Variants in GALNTL6 observed in about 807,000 individuals in gnomAD.
GALNTL6 encodes polypeptide N-acetylgalactosaminyltransferase-like 6.
Under a neutral mutation model 73.7 loss-of-function variants are expected in GALNTL6, and 46 were observed. The ratio of observed to expected loss-of-function variants is 0.62; its 90% confidence interval spans 0.49 to 0.80. The LOEUF is 0.80. Ranked by LOEUF, GALNTL6 falls within the 30% of genes least tolerant of loss-of-function variation. GALNTL6 has a pLI of 0.00. For missense variants in GALNTL6, 604 were observed against 755.0 expected, an observed-to-expected ratio of 0.80 and a Z score of 2.34; for synonymous variants, 259 against 263.7, an observed-to-expected ratio of 0.98 and a Z score of 0.17.
At chr4:171,825,002 T>A (rs528399345) in intron 2 of GALNTL6, among the ~76,000 whole-genome samples, 1 of 152,298 alleles carries the variant, frequency 6.6e-6, no homozygotes, top group East Asian at 1.9e-4. Flanking sequence ...GAATGCTATT[T>A]TGATGACCTT....
chr4:172,916,487 T>C (rs1353739954), intron 8 of GALNTL6, among the ~76,000 whole-genome samples: 2 of 152,184 alleles, frequency 1.3e-5, no homozygotes, highest in Non-Finnish European at 2.9e-5. Flanking sequence ...TGATTGTATA[T>C]TTAGAAAACC....
chr4:172,911,606 C>A (rs1262474930), intron 8 of GALNTL6, among the ~76,000 whole-genome samples: 1 of 152,156 alleles, frequency 6.6e-6, no homozygotes, highest in Non-Finnish European at 1.5e-5. Flanking sequence ...CAGAATTGAT[C>A]TTCCAAAGAA....
rs73871867 is a variant in GALNTL6 at position 172,829,259 on chromosome 4, C to G, written c.923+15536C>G. Among the ~76,000 whole-genome samples, 895 of 152,280 alleles carry G rather than the reference C, an allele frequency of 5.9e-3. 10 individuals are homozygous for G. The highest frequency in any genetic ancestry group is 0.021 in the African/African-American group (864 of 41,560). On this transcript the variant is annotated intron_variant, in intron 7 of 12. Coordinates refer to ENST00000506823, the MANE Select transcript of GALNTL6 (RefSeq NM_001034845.3). ...GATCCACAAGGATGTCAGCAGAGAG[C>G]GTGTCTGCCTGTTCCTGGCTGGAAC...
chr4:171,956,517 T>A (rs1739054748), intron 2 of GALNTL6, among the ~76,000 whole-genome samples: 1 of 152,224 alleles, frequency 6.6e-6, no homozygotes, highest in South Asian at 2.1e-4. Context: ...TTGCTGCCAA[T>A]ACGTTTAGCA....
chr4:172,053,960 A>G (rs1158185398), intron 2 of GALNTL6, among the ~76,000 whole-genome samples: 1 of 152,164 alleles, frequency 6.6e-6, no homozygotes, highest in Non-Finnish European at 1.5e-5. Context: ...TCAAAGCACA[A>G]TTGTATATAC....
chr4:172,951,478 A>G (rs1003144009), intron 9 of GALNTL6, among the ~76,000 whole-genome samples: 1 of 152,256 alleles, frequency 6.6e-6, no homozygotes, highest in African/African-American at 2.4e-5. Flanking sequence ...CCACTTCATC[A>G]TGCAGTAAAG....
At chr4:172,279,915 T>C (rs1021469699) in intron 3 of GALNTL6, among the ~76,000 whole-genome samples, 2 of 152,214 alleles carry the variant, frequency 1.3e-5, no homozygotes, top group South Asian at 4.1e-4. Context: ...ACCCACGTCC[T>C]GTCACATGCT....
chr4:171,992,789 T>C (rs1472426813), intron 2 of GALNTL6, among the ~76,000 whole-genome samples: 1 of 152,106 alleles, frequency 6.6e-6, no homozygotes, highest in Admixed American at 6.6e-5. Flanking sequence ...TTGAAATTAA[T>C]TGACCTCATT....
intron 5 of GALNTL6, among the ~76,000 whole-genome samples, chr4:172,570,421 A>G (rs1469886617): frequency 6.6e-6 from 1 of 152,142 alleles, no homozygotes; most frequent in Non-Finnish European, 1.5e-5. Context: ...CAAAATGCAT[A>G]TGTTGAAGTC....
At chr4:172,213,826 T>C (rs1167922149) in intron 2 of GALNTL6, among the ~76,000 whole-genome samples, 2 of 152,202 alleles carry the variant, frequency 1.3e-5, no homozygotes, top group Non-Finnish European at 2.9e-5. Flanking sequence ...AATATTTTCT[T>C]TTATGGACTG....
chr4:172,905,350 C>G (rs1331326205), intron 8 of GALNTL6, among the ~76,000 whole-genome samples: 7 of 152,140 alleles, frequency 4.6e-5, no homozygotes, highest in African/African-American at 9.7e-5. Flanking sequence ...GGAAATATAG[C>G]TTCTTCCTCT....
chr4:172,606,441 C>G (rs150472547), intron 5 of GALNTL6, among the ~76,000 whole-genome samples: 4 of 132,128 alleles, frequency 3.0e-5, no homozygotes, highest in African/African-American at 1.1e-4. Context: ...GCAACAGGAG[C>G]GAAACTCTGT....
At chr4:171,915,760 C>T (rs1378320731) in intron 2 of GALNTL6, among the ~76,000 whole-genome samples, 1 of 152,058 alleles carries the variant, frequency 6.6e-6, no homozygotes, top group African/African-American at 2.4e-5. Context: ...TTTTTCACAG[C>T]TGAAATTTTA....
At chr4:172,279,706 C>T (rs189996691) in intron 3 of GALNTL6, among the ~76,000 whole-genome samples, 106 of 152,158 alleles carry the variant, frequency 7.0e-4, no homozygotes, top group Middle Eastern at 3.4e-3. Flanking sequence ...TGCTATATAA[C>T]CTAACAATTC....
At chr4:172,006,453 C>A (rs1044475267) in intron 2 of GALNTL6, among the ~76,000 whole-genome samples, 2 of 151,906 alleles carry the variant, frequency 1.3e-5, no homozygotes, top group African/African-American at 2.4e-5. Context: ...CATAGTGAGA[C>A]CCTTTCTTTA....
At chr4:172,593,169 C>G (rs1737719180) in intron 5 of GALNTL6, among the ~76,000 whole-genome samples, 1 of 152,136 alleles carries the variant, frequency 6.6e-6, no homozygotes, top group Non-Finnish European at 1.5e-5. Context: ...TGCTGGATAT[C>G]TCCATTATCT....
intron 5 of GALNTL6, among the ~76,000 whole-genome samples, chr4:172,460,428 T>C (rs1013918730): frequency 6.6e-5 from 10 of 151,996 alleles, no homozygotes; most frequent in Non-Finnish European, 1.3e-4. Flanking sequence ...TCAGAGTGAA[T>C]AGACAACCTA....
intron 5 of GALNTL6, among the ~76,000 whole-genome samples, chr4:172,539,409 G>A (rs975319099): frequency 6.6e-6 from 1 of 151,884 alleles, no homozygotes; most frequent in Non-Finnish European, 1.5e-5. Context: ...TCAACTTTCT[G>A]TTTCTCATCA....
chr4:172,524,405 T>A (rs761651786), intron 5 of GALNTL6, among the ~76,000 whole-genome samples: 1 of 152,038 alleles, frequency 6.6e-6, no homozygotes, highest in East Asian at 1.9e-4. Flanking sequence ...TGCGCCACCA[T>A]GCCCGGCTAA....
Sources: allele counts gnomAD v4.1 joint callset (sites outside exome capture counted in the v4.1 genomes callset), GRCh38; gene constraint gnomAD v4.1.1; transcripts MANE v1.5; gene names NCBI Gene and HGNC (gene_info 2026-07-23, HGNC 2026-07-21).